Variants in TBC1D19 observed in about 807,000 individuals in gnomAD.
The protein encoded by TBC1D19 is TBC1 domain family, member 19.
TBC1D19 carries 60 observed loss-of-function variants against 89.0 expected under a neutral mutation model. The ratio of observed to expected loss-of-function variants is 0.67; its 90% CI spans 0.55 to 0.84. The LOEUF (loss-of-function observed/expected upper bound fraction) is 0.84. Among genes scored for constraint, TBC1D19 ranks in the 40% least tolerant of loss-of-function variants. The probability of loss-of-function intolerance (pLI) is 0.00; values close to 1 mark genes in which losing one functional copy is unlikely to be tolerated. For missense variants in TBC1D19, 500 were observed against 610.8 expected, an observed-to-expected ratio of 0.82 and a Z score of 1.91; for synonymous variants, 189 against 199.7, an observed-to-expected ratio of 0.95 and a Z score of 0.45.
intron 3 of TBC1D19, among the ~76,000 whole-genome samples, chr4:26,615,438 G>A (rs898429595): frequency 2.7e-5 from 4 of 147,760 alleles, no homozygotes; most frequent in African/African-American, 9.8e-5. Flanking sequence ...GAGTTCCCAA[G>A]TCTAATTGCA....
the TBC1D19 span, among the ~76,000 whole-genome samples, chr4:26,813,785 C>G: frequency 6.6e-6 from 1 of 152,208 alleles, no homozygotes; most frequent in African/African-American, 2.4e-5. Flanking sequence ...CTCCATTGCC[C>G]AGGGAGGCAG....
chr4:26,610,763 T>C (rs185685860), intron 1 of TBC1D19, among the ~76,000 whole-genome samples: 47 of 152,160 alleles, frequency 3.1e-4, no homozygotes, highest in Middle Eastern at 3.4e-3. Context: ...TTAATCCATG[T>C]TGCTAGACGT....
chr4:26,839,926 C>G, the TBC1D19 span, among the ~76,000 whole-genome samples: 1 of 152,108 alleles, frequency 6.6e-6, no homozygotes, highest in Admixed American at 6.5e-5. Flanking sequence ...GGCATGTGTC[C>G]CTTCTAAGGT....
At chr4:26,585,469 T>C (rs1348298370) in intron 1 of TBC1D19, among the ~76,000 whole-genome samples, 2 of 150,726 alleles carry the variant, frequency 1.3e-5, no homozygotes, top group South Asian at 2.1e-4. Context: ...TCAAATCTTC[T>C]GCCCATTAAA....
chr4:26,681,519 C>A (rs968767570), intron 11 of TBC1D19, among the ~76,000 whole-genome samples: 2 of 152,044 alleles, frequency 1.3e-5, no homozygotes, highest in Admixed American at 1.3e-4. Flanking sequence ...CCACTGCACT[C>A]CAGCCTGGGC....
chr4:26,818,002 ATG>A, the TBC1D19 span, among the ~76,000 whole-genome samples: 327 of 143,876 alleles, frequency 2.3e-3, 11 homozygotes, highest in Middle Eastern at 3.7e-3. Flanking sequence ...ATATATATAT[ATG>A]AATAGTATTC....
the TBC1D19 span, among the ~76,000 whole-genome samples, chr4:26,839,942 C>A: frequency 7.2e-5 from 11 of 152,126 alleles, no homozygotes; most frequent in Non-Finnish European, 1.0e-4. Context: ...AAGGTAGCAG[C>A]TGCTGCTGTC....
chr4:26,795,500 C>T, the TBC1D19 span, among the ~76,000 whole-genome samples: 4 of 152,162 alleles, frequency 2.6e-5, no homozygotes, highest in African/African-American at 9.7e-5. Flanking sequence ...TGTTCACCAT[C>T]GTATCCCCTG....
chr4:26,727,353 A>G (rs890266543), intron 15 of TBC1D19, among the ~76,000 whole-genome samples: 1 of 152,224 alleles, frequency 6.6e-6, no homozygotes, highest in Non-Finnish European at 1.5e-5. Flanking sequence ...CTCGTCCTTC[A>G]ACAAAGCGGA....
At chr4:26,740,419 ATTC>A (rs1718289710) in intron 17 of TBC1D19, among the ~76,000 whole-genome samples, 1 of 152,192 alleles carries the variant, frequency 6.6e-6, no homozygotes, top group South Asian at 2.1e-4. Context: ...TATAATCATC[ATTC>A]TTCTTTGTTA....
intron 7 of TBC1D19, among the ~76,000 whole-genome samples, chr4:26,648,417 A>T (rs574007201): frequency 6.6e-6 from 1 of 152,214 alleles, no homozygotes; most frequent in Non-Finnish European, 1.5e-5. Flanking sequence ...TAGTTAGTAC[A>T]TGTCACTGCA....
At chr4:26,579,176 T>C (rs960798347), upstream of TBC1D19, among the ~76,000 whole-genome samples, 101 of 152,350 alleles carry the variant, frequency 6.6e-4, no homozygotes, top group African/African-American at 2.3e-3. Flanking sequence ...AACTCTTAAG[T>C]AGTCTATTTG....
intron 1 of TBC1D19, among the ~76,000 whole-genome samples, chr4:26,608,420 T>G (rs1263387757): frequency 6.6e-6 from 1 of 152,184 alleles, no homozygotes; most frequent in Non-Finnish European, 1.5e-5. Flanking sequence ...TTATATAGGA[T>G]TCCTAATAGG....
At chr4:26,794,958 G>A in the TBC1D19 span, among the ~76,000 whole-genome samples, 1 of 152,146 alleles carries the variant, frequency 6.6e-6, no homozygotes, top group Non-Finnish European at 1.5e-5. Flanking sequence ...GCTCCTGACC[G>A]GTCTCCTGGC....
the TBC1D19 span, among the ~76,000 whole-genome samples, chr4:26,797,748 A>G: frequency 6.6e-6 from 1 of 152,208 alleles, no homozygotes; most frequent in African/African-American, 2.4e-5. Context: ...CCACATACCT[A>G]CATGTAACTG....
intron 12 of TBC1D19, among the ~76,000 whole-genome samples, chr4:26,686,129 A>T (rs10939131): frequency 0.47 from 67,446 of 142,682 alleles, 16,554 homozygotes; most frequent in Admixed American, 0.56. Flanking sequence ...ATGATCATTT[A>T]AAAAAAAAAA....
chr4:26,587,364 G>A (rs542529639), intron 1 of TBC1D19, among the ~76,000 whole-genome samples: 1 of 152,192 alleles, frequency 6.6e-6, no homozygotes, highest in East Asian at 1.9e-4. Context: ...GATCGCTTGA[G>A]CTCACGAGTT....
At chr4:26,670,894 C>A (rs905417124) in intron 9 of TBC1D19, among the ~76,000 whole-genome samples, 3 of 150,922 alleles carry the variant, frequency 2.0e-5, no homozygotes, top group Non-Finnish European at 4.4e-5. Context: ...AATTATAAAT[C>A]ATTCATTCTC....
intron 4 of TBC1D19, 122 bp from the exon 5 acceptor site, chr4:26,637,085 TAATA>T (rs1379772199): frequency 9.2e-6 from 6 of 651,518 alleles, no homozygotes; most frequent in East Asian, 5.7e-5. Flanking sequence ...TTGAGTGGAC[TAATA>T]AATAAGGATA....
Sources: gnomAD v4.1 joint callset for allele counts (sites outside exome capture counted in the v4.1 genomes callset) on GRCh38, gnomAD v4.1.1 for gene constraint, MANE v1.5 for transcripts, NCBI Gene and HGNC (gene_info 2026-07-23, HGNC 2026-07-21) for gene names.